The following SNTG1 variants were observed in gnomAD, a reference collection of about 807,000 sequenced individuals.
The protein encoded by SNTG1 is syntrophin gamma 1.
In SNTG1, 39 loss-of-function variants were observed where a neutral mutation model predicts 74.7. That is an observed-to-expected ratio of 0.52 (90% confidence interval 0.40 to 0.68). The LOEUF is 0.68. SNTG1 is among the 30% of genes least tolerant of loss of function. SNTG1 has a pLI of 0.00. For missense variants in SNTG1, 685 were observed against 609.5 expected (o/e 1.12, Z -1.30); for synonymous variants, 254 against 217.1 (o/e 1.17, Z -1.49).
At chr8:50,221,512 T>TACAC (rs71550218) in intron 2 of SNTG1, among the ~76,000 whole-genome samples, 8,796 of 130,082 alleles carry the variant, frequency 0.068, 377 homozygotes, top group African/African-American at 0.13. Flanking sequence ...AACACACACA[T>TACAC]ACACACACAC....
At chr8:50,642,576 C>A (rs376783970) in intron 13 of SNTG1, among the ~76,000 whole-genome samples, 1 of 152,068 alleles carries the variant, frequency 6.6e-6, no homozygotes, top group African/African-American at 2.4e-5. Flanking sequence ...TCCTGGCAAG[C>A]CCTTGTATTT....
chr8:50,615,092 G>A (rs2094877285), intron 13 of SNTG1, among the ~76,000 whole-genome samples: 1 of 151,830 alleles, frequency 6.6e-6, no homozygotes, highest in Non-Finnish European at 1.5e-5. Flanking sequence ...ACCCGCGCCT[G>A]ACACCATGCC....
At chr8:50,713,477 C>A (rs1389357396) in intron 17 of SNTG1, among the ~76,000 whole-genome samples, 13 of 152,008 alleles carry the variant, frequency 8.6e-5, no homozygotes, top group Non-Finnish European at 1.6e-4. Flanking sequence ...ATGATAGTTT[C>A]TTTTGCTGTG....
intron 13 of SNTG1, among the ~76,000 whole-genome samples, chr8:50,652,028 G>T (rs1396107800): frequency 6.6e-6 from 1 of 152,152 alleles, no homozygotes; most frequent in Non-Finnish European, 1.5e-5. Flanking sequence ...GGGATTACAG[G>T]CGTGAGCCAC....
intron 18 of SNTG1, among the ~76,000 whole-genome samples, chr8:50,781,009 C>G (rs145636573): frequency 2.6e-5 from 4 of 152,002 alleles, no homozygotes; most frequent in African/African-American, 9.7e-5. Context: ...TGTAGTTGAG[C>G]GGTTTTGAGT....
intron 2 of SNTG1, among the ~76,000 whole-genome samples, chr8:50,305,544 G>GTT (rs1381939611): frequency 6.6e-6 from 1 of 151,360 alleles, no homozygotes; most frequent in Non-Finnish European, 1.5e-5. Flanking sequence ...GTGTGTGTGT[G>GTT]TGTGTGTGTG....
chr8:50,734,988 T>C (rs954359490), intron 17 of SNTG1, among the ~76,000 whole-genome samples: 2 of 147,462 alleles, frequency 1.4e-5, no homozygotes, highest in African/African-American at 4.9e-5. Flanking sequence ...TCCATATATA[T>C]GTCCATATAT....
At chr8:50,474,623 T>C (rs1228139557) in intron 8 of SNTG1, among the ~76,000 whole-genome samples, 1 of 152,106 alleles carries the variant, frequency 6.6e-6, no homozygotes, top group African/African-American at 2.4e-5. Flanking sequence ...TTTTACACTG[T>C]TGGTGGGACT....
intron 8 of SNTG1, chr8:50,490,927 T>A (rs1042345745): frequency 6.5e-6 from 1 of 153,290 alleles, no homozygotes; most frequent in Non-Finnish European, 1.5e-5. Context: ...ATATAATGTA[T>A]AATCAACGAA....
intron 15 of SNTG1, among the ~76,000 whole-genome samples, chr8:50,698,268 C>T (rs1349052864): frequency 1.3e-5 from 2 of 152,130 alleles, no homozygotes; most frequent in African/African-American, 2.4e-5. Context: ...AGTACTGCTA[C>T]CTTGGCCAAG....
intron 4 of SNTG1, among the ~76,000 whole-genome samples, chr8:50,422,395 C>T (rs945919797): frequency 1.3e-4 from 19 of 151,992 alleles, no homozygotes; most frequent in Non-Finnish European, 2.2e-4. Flanking sequence ...ATGTATAGAA[C>T]GTACAGCAGA....
intron 2 of SNTG1, among the ~76,000 whole-genome samples, chr8:50,375,892 G>T (rs1050146258): frequency 6.6e-6 from 1 of 152,118 alleles, no homozygotes; most frequent in Non-Finnish European, 1.5e-5. Flanking sequence ...GCAACTTTAC[G>T]AAGAACAGTA....
At chr8:50,660,217 A>G (rs1435885258) in intron 15 of SNTG1, among the ~76,000 whole-genome samples, 1 of 147,678 alleles carries the variant, frequency 6.8e-6, no homozygotes, top group Admixed American at 6.7e-5. Flanking sequence ...AAGGAAAAGA[A>G]AAGAAGAAAA....
At chr8:50,290,303 A>G (rs1469723615) in intron 2 of SNTG1, among the ~76,000 whole-genome samples, 3 of 152,338 alleles carry the variant, frequency 2.0e-5, no homozygotes, top group Non-Finnish European at 4.4e-5. Context: ...AAGATACTCA[A>G]TACAACTCTA....
intron 2 of SNTG1, among the ~76,000 whole-genome samples, chr8:50,210,990 T>C (rs539534796): frequency 6.6e-6 from 1 of 152,270 alleles, no homozygotes; most frequent in Admixed American, 6.5e-5. Context: ...GAGTGTAATT[T>C]ATGCATTGGT....
At chr8:50,439,880 G>A (rs190005080) in intron 5 of SNTG1, among the ~76,000 whole-genome samples, 23 of 151,488 alleles carry the variant, frequency 1.5e-4, no homozygotes, top group Non-Finnish European at 3.1e-4. Context: ...TCTATTTCTG[G>A]TAGTAGAGCT....
chr8:50,407,708 T>C (rs2092897398), intron 4 of SNTG1, among the ~76,000 whole-genome samples: 4 of 152,160 alleles, frequency 2.6e-5, no homozygotes, highest in Admixed American at 2.6e-4. Context: ...TTGCATTAGA[T>C]GAAGAGTTTA....
chr8:50,502,689 G>A, intron 8 of SNTG1, 89 bp from the exon 9 acceptor site: 3 of 1,067,354 alleles, frequency 2.8e-6, no homozygotes, highest in African/African-American at 3.2e-5. Context: ...AATGGAAGGT[G>A]GAAGAAACAA....
rs2092831052 is a variant in SNTG1 at position 50,403,424 on chromosome 8, T to A, written c.162+1080T>A. On this transcript the variant is annotated intron_variant, in intron 4 of 18. Coordinates refer to ENST00000642720, the MANE Select transcript of SNTG1 (RefSeq NM_018967.5). ...TCATTCTGAATCATGGGCCTGGATG[T>A]CAAGGCTGATTAAACTGTTCCCATG... Among the ~76,000 whole-genome samples the A allele has an allele frequency of 2.0e-5, 3 of 152,200 alleles. No homozygotes were observed. In the South Asian group the frequency reaches 6.2e-4, roughly 31 times the overall value.
Sources: gnomAD v4.1 joint callset for allele counts (sites outside exome capture counted in the v4.1 genomes callset) on GRCh38, gnomAD v4.1.1 for gene constraint, MANE v1.5 for transcripts, NCBI Gene and HGNC (gene_info 2026-07-23, HGNC 2026-07-21) for gene names.